Variants in FBN2 observed in about 807,000 individuals in gnomAD.
FBN2 encodes the protein fibrillin-2.
A neutral mutation model predicts 355.6 loss-of-function variants in FBN2; 105 were observed. That is an observed-to-expected ratio of 0.30 (90% CI 0.25 to 0.35). The LOEUF (loss-of-function observed/expected upper bound fraction) is 0.35, where lower values mean the gene tolerates loss of function less well. Ranked by LOEUF, FBN2 falls within the 10% of genes least tolerant of loss-of-function variation. FBN2 has a pLI of 1.00. For synonymous variants in FBN2, 1,350 were observed against 1,301.2 expected (o/e 1.04, Z -0.81); for missense variants, 3,280 against 3,758.7 (o/e 0.87, Z 3.33).
intron 33 of FBN2, among the ~76,000 whole-genome samples, chr5:128,329,648 G>A (rs949682571): frequency 6.6e-6 from 1 of 152,162 alleles, no homozygotes; most frequent in East Asian, 1.9e-4. Context: ...GCGGAGAAAT[G>A]CCAGGAAAGA....
intron 5 of FBN2, among the ~76,000 whole-genome samples, chr5:128,515,800 A>C (rs1174857885): frequency 6.6e-6 from 1 of 152,158 alleles, no homozygotes; most frequent in Non-Finnish European, 1.5e-5. Context: ...AGTTGTACTA[A>C]AAAAATGTAC....
chr5:128,307,124 G>A lies in FBN2; in HGVS notation c.5422+11C>T. 4 of 1,579,022 alleles carry A rather than the reference G, an allele frequency of 2.5e-6. No individual in the cohort carries two copies. Among genetic ancestry groups the A allele is most frequent in the Non-Finnish European group, 3.5e-6 (4 of 1,148,554 alleles). On this transcript the variant is annotated intron_variant, in intron 42 of 64. Transcript: ENST00000262464. ...TATGTATTAAAACAAACATAATCTG[G>A]AAAAACTCACCAACAGCTTTTCCTG... is the stretch of plus-strand genomic sequence containing the variant.
intron 30 of FBN2, 54 bp from the exon 31 acceptor site, chr5:128,334,898 G>T: frequency 4.0e-6 from 6 of 1,492,896 alleles, no homozygotes; most frequent in Non-Finnish European, 5.6e-6. Context: ...TAATTTAAAA[G>T]CTATCTTCTA....
intron 6 of FBN2, among the ~76,000 whole-genome samples, chr5:128,458,788 C>T (rs933361451): frequency 6.6e-6 from 1 of 152,078 alleles, no homozygotes; most frequent in East Asian, 1.9e-4. Context: ...CTCTGGGACA[C>T]AGCTAAAGCA....
intron 48 of FBN2, 95 bp downstream of exon 48, chr5:128,300,722 C>G (rs1749690348): frequency 8.1e-7 from 1 of 1,230,366 alleles, no homozygotes; most frequent in Admixed American, 1.7e-5. Context: ...GGTCAGCATG[C>G]TTGCAGTGGT....
chr5:128,481,649 T>A (rs1755191733), intron 5 of FBN2, among the ~76,000 whole-genome samples: 1 of 152,226 alleles, frequency 6.6e-6, no homozygotes, highest in Non-Finnish European at 1.5e-5. Flanking sequence ...GTTTGCTAGG[T>A]TGAGTATGTG....
At chr5:128,497,025 T>C (rs1220187241) in intron 5 of FBN2, among the ~76,000 whole-genome samples, 1 of 152,050 alleles carries the variant, frequency 6.6e-6, no homozygotes, top group Non-Finnish European at 1.5e-5. Flanking sequence ...GTATAAAACA[T>C]TGTTGAAATA....
intron 3 of FBN2, 57 bp downstream of exon 3, chr5:128,530,538 C>T: frequency 8.7e-7 from 1 of 1,143,110 alleles, no homozygotes; most frequent in East Asian, 2.4e-5. Flanking sequence ...GGACCTTTAG[C>T]ATTTGCTCCA....
At chr5:128,367,196 G>A (rs1751794941) in intron 16 of FBN2, among the ~76,000 whole-genome samples, 1 of 151,990 alleles carries the variant, frequency 6.6e-6, no homozygotes, top group Non-Finnish European at 1.5e-5. Flanking sequence ...CCCTTTTAAG[G>A]TTTTAGATAG....
At chr5:128,475,665 TATACTC>T (rs1228562927) in intron 5 of FBN2, among the ~76,000 whole-genome samples, 1 of 152,124 alleles carries the variant, frequency 6.6e-6, no homozygotes, top group Non-Finnish European at 1.5e-5. Context: ...ATAAAAAAGA[TATACTC>T]AACGAAAAAG....
Position 128,393,249 on chromosome 5 carries a change from A to AGCCATT in FBN2, c.1345_1350dup (p.Asn449_Gly450dup), listed in dbSNP as rs863223593. ...ATGAAGCCTGTCCCTCCTGGGCCATAGCCATTGCCATTGCCACTTGGGGCA... is the reference window on the plus strand; with the variant it reads ...ATGAAGCCTGTCCCTCCTGGGCCATAGCCATTGCCATTGCCATTGCCACTTGGGGCA... On this transcript the variant is annotated inframe_insertion, in exon 10 of 65. Coordinates refer to ENST00000262464, the MANE Select transcript of FBN2 (RefSeq NM_001999.4). 3 of 1,613,996 alleles carry AGCCATT rather than the reference A, an allele frequency of 1.9e-6. No individual in the cohort carries two copies. The highest frequency in any genetic ancestry group is 1.3e-5 in the African/African-American group (1 of 74,922).
At chr5:128,522,375 C>T (rs1756453716) in intron 4 of FBN2, among the ~76,000 whole-genome samples, 1 of 152,178 alleles carries the variant, frequency 6.6e-6, no homozygotes, top group Non-Finnish European at 1.5e-5. Flanking sequence ...ATGAGCTCTG[C>T]TGTCCCCAGC....
At chr5:128,486,296 C>G (rs1755336392) in intron 5 of FBN2, among the ~76,000 whole-genome samples, 1 of 152,162 alleles carries the variant, frequency 6.6e-6, no homozygotes, top group South Asian at 2.1e-4. Context: ...TCCCATGCCA[C>G]TGTACCCCCA....
At chr5:128,395,305 G>A in intron 8 of FBN2, 31 bp from the exon 9 acceptor site, 1 of 1,612,904 alleles carries the variant, frequency 6.2e-7, no homozygotes, top group Non-Finnish European at 8.5e-7. Context: ...CAGAAGATAT[G>A]GCAGAATTAC....
chr5:128,385,826 C>T (rs944397268), intron 11 of FBN2, among the ~76,000 whole-genome samples: 1 of 152,002 alleles, frequency 6.6e-6, no homozygotes, highest in Non-Finnish European at 1.5e-5. Flanking sequence ...TTTTTGTCTG[C>T]ATGTATGTCT....
At chr5:128,503,927 T>C (rs1755882258) in intron 5 of FBN2, among the ~76,000 whole-genome samples, 1 of 152,152 alleles carries the variant, frequency 6.6e-6, no homozygotes, top group Non-Finnish European at 1.5e-5. Flanking sequence ...AATGGTTTCC[T>C]GGGCCTGGTC....
chr5:128,456,076 T>A (rs1754387218), intron 6 of FBN2, among the ~76,000 whole-genome samples: 1 of 146,006 alleles, frequency 6.8e-6, no homozygotes, highest in African/African-American at 2.6e-5. Context: ...CTGCATCCAT[T>A]TCTATAGCTC....
In FBN2 at chr5:128,334,776, A is replaced by G; in HGVS notation, c.4042T>C (p.Phe1348Leu). 6.2e-7 allele frequency: 1 copy of G among 1,613,644 alleles called. No individual in the cohort carries two copies. Among genetic ancestry groups the G allele is most frequent in the Non-Finnish European group, 8.5e-7 (1 of 1,179,512 alleles). ...FGECENTKGS[F>L]ICHCQLGYSV... ...TAACCCAGCTGACAGTGGCAAATGA[A>G]GGATCCCTTTGTGTTCTCACATTCC... Residue 1348 changes from phenylalanine (F) to leucine (L), a missense_variant, in exon 31 of 65, where the codon TTC (phenylalanine) becomes CTC (leucine). By Grantham distance (22) the Phe-to-Leu change is conservative. Transcript: ENST00000262464.
intron 48 of FBN2, among the ~76,000 whole-genome samples, chr5:128,296,905 T>C (rs1194655475): frequency 6.6e-6 from 1 of 152,072 alleles, no homozygotes; most frequent in South Asian, 2.1e-4. Context: ...GCTCTTGCTT[T>C]TCTAGTTCTT....
Sources: gnomAD v4.1 joint callset for allele counts (sites outside exome capture counted in the v4.1 genomes callset) on GRCh38, gnomAD v4.1.1 for gene constraint, MANE v1.5 for transcripts, NCBI Gene and HGNC (gene_info 2026-07-23, HGNC 2026-07-21) for gene names.